RIOK3: variants seen among roughly 807,000 people sequenced by gnomAD.
The protein encoded by RIOK3 is serine/threonine-protein kinase RIO3.
In RIOK3, 40 loss-of-function variants were observed where a neutral mutation model predicts 63.5. That is an observed-to-expected ratio of 0.63 (90% CI 0.49 to 0.82). RIOK3 has a LOEUF of 0.82. Ranked by LOEUF, RIOK3 falls within the 40% of genes least tolerant of loss-of-function variation. RIOK3 has a pLI of 0.00. For synonymous variants in RIOK3, 193 were observed against 205.0 expected, an observed-to-expected ratio of 0.94 and a Z score of 0.50; for missense variants, 557 against 637.0, an observed-to-expected ratio of 0.87 and a Z score of 1.35.
At chr18:23,466,022 AGT>A (rs2057404423) in intron 5 of RIOK3, 109 bp from the exon 6 acceptor site, 1 of 699,534 alleles carries the variant, frequency 1.4e-6, no homozygotes, top group African/African-American at 1.8e-5. Flanking sequence ...CTGGTTTTCT[AGT>A]GTGATCATCT....
chr18:23,466,284 T>G lies in RIOK3; in HGVS notation c.687+8T>G. ...AAGGAGCATTCTACAGCAGTAAGGATTTATAGATTTTTTTTTTTCTTTTTT... is the reference window on the plus strand; with the variant it reads ...AAGGAGCATTCTACAGCAGTAAGGAGTTATAGATTTTTTTTTTTCTTTTTT... On this transcript the variant is annotated splice_region_variant and intron_variant, in intron 6 of 12. Coordinates refer to ENST00000339486, the MANE Select transcript of RIOK3 (RefSeq NM_003831.5). The G allele has an allele frequency of 6.5e-7, 1 of 1,541,302 alleles. No homozygotes were observed. The highest frequency in any genetic ancestry group is 1.3e-5 in the South Asian group (1 of 78,838).
rs1207915476 is a variant in RIOK3 at position 23,464,317 on chromosome 18, C to T, written c.433+4C>T. 1 of 1,604,888 alleles carries T rather than the reference C, an allele frequency of 6.2e-7. No homozygotes were observed. The highest frequency in any genetic ancestry group is 8.5e-7 in the Non-Finnish European group (1 of 1,173,890). On this transcript the variant is annotated splice_donor_region_variant and intron_variant, in intron 4 of 12. Coordinates refer to ENST00000339486, the MANE Select transcript of RIOK3 (RefSeq NM_003831.5). Reference sequence around the variant, plus strand: ...CGTGATGATCCCTACAGACCAGGTACCAAAGTTTTTACTTTCTGGGGGCAG... The same window carrying T: ...CGTGATGATCCCTACAGACCAGGTATCAAAGTTTTTACTTTCTGGGGGCAG...
chr18:23,477,310 C>A, intron 11 of RIOK3, 42 bp downstream of exon 11: 1 of 1,441,546 alleles, frequency 6.9e-7, no homozygotes, highest in Non-Finnish European at 9.8e-7. Flanking sequence ...TTGGATGTAA[C>A]AGCTGCAGGT....
chr18:23,463,105 T>G (rs900146192), intron 2 of RIOK3, 26 bp downstream of exon 2: 7 of 1,415,890 alleles, frequency 4.9e-6, no homozygotes, highest in Non-Finnish European at 5.9e-6. Flanking sequence ...AAATACTTTA[T>G]CTAGCAACTT....
chr18:23,481,202 C>G lies in RIOK3; in HGVS notation c.1483C>G (p.His495Asp). ...AGCTTTGGAGAAAATGAATGAAGATCACGTTCAGAAGAATGGAAGGAAAGC... is the reference window on the plus strand; with the variant it reads ...AGCTTTGGAGAAAATGAATGAAGATGACGTTCAGAAGAATGGAAGGAAAGC... Reference protein sequence around the residue: ...IEALEKMNEDHVQKNGRKAAS... With the variant: ...IEALEKMNEDDVQKNGRKAAS... Residue 495 changes from histidine to aspartate, a missense_variant, in exon 13 of 13, where the codon CAC becomes GAC. By Grantham distance (81) the His-to-Asp change is moderately conservative. Around this residue, in one of 3 missense-constraint regions of RIOK3, gnomAD observed 309 missense variants for 338.7 expected, o/e 0.91. Transcript: ENST00000339486. 6.2e-7 allele frequency: 1 copy of G among 1,612,092 alleles called. No homozygotes were observed. The highest frequency in any genetic ancestry group is 8.5e-7 in the Non-Finnish European group (1 of 1,178,706).
At chr18:23,468,211 C>G (rs2057423083) in intron 7 of RIOK3, among the ~76,000 whole-genome samples, 1 of 149,360 alleles carries the variant, frequency 6.7e-6, no homozygotes, top group South Asian at 2.1e-4. Flanking sequence ...TTTCCAAGTG[C>G]TTTATTGGCC....
At position 23,480,565 on chromosome 18, in the gene RIOK3, A is replaced by ACACACACG. The variant is rs1567901875; in HGVS notation, c.1453-600_1453-599insGCACACAC. 7.4e-4 allele frequency among the ~76,000 whole-genome samples: 101 copies of ACACACACG among 136,124 alleles called. No individual in the cohort carries two copies. In the East Asian group the frequency reaches 0.019, roughly 25 times the overall value. 89.3% of individuals were successfully genotyped at this position (136,124 alleles called of 152,430 possible). A position where few individuals can be genotyped will look rare whatever the true frequency, so the allele number is the denominator to read the frequency against. On this transcript the variant is annotated intron_variant, in intron 12 of 12. Coordinates refer to ENST00000339486, the MANE Select transcript of RIOK3 (RefSeq NM_003831.5). Reference sequence around the variant, plus strand: ...TATACTTGGATGCACGCACACACACACACACACACACACACACACACACAC... The same window carrying ACACACACG: ...TATACTTGGATGCACGCACACACACACACACACGCACACACACACACACACACACACAC...
intron 1 of RIOK3, among the ~76,000 whole-genome samples, chr18:23,459,716 G>C (rs1386344185): frequency 6.6e-6 from 1 of 152,178 alleles, no homozygotes; most frequent in Non-Finnish European, 1.5e-5. Flanking sequence ...TGTCACCCGG[G>C]CTGGAGTGAA....
chr18:23,470,292 GGAGCGGAGCTTGCAGT>G (rs56065247), intron 7 of RIOK3, among the ~76,000 whole-genome samples: 27,607 of 151,352 alleles, frequency 0.18, 3,600 homozygotes, highest in East Asian at 0.34. Flanking sequence ...CGTGAACCTG[GGAGCGGAGCTTGCAGT>G]GAGCTGAGAT....
intron 5 of RIOK3, among the ~76,000 whole-genome samples, chr18:23,465,002 C>G (rs1006909053): frequency 2.0e-5 from 3 of 152,180 alleles, no homozygotes; most frequent in South Asian, 2.1e-4. Context: ...ACCATATACT[C>G]TTTTGTGCAT....
intron 1 of RIOK3, among the ~76,000 whole-genome samples, chr18:23,458,277 A>C (rs1459168198): frequency 6.6e-6 from 1 of 152,052 alleles, no homozygotes; most frequent in African/African-American, 2.4e-5. Flanking sequence ...TGATACAAGC[A>C]GCGAAGGTCA....
chr18:23,463,048 G>A lies in RIOK3; in HGVS notation c.148G>A (p.Glu50Lys), dbSNP rs773807572. 6.2e-7 allele frequency: 1 copy of A among 1,609,586 alleles called. No homozygotes were observed. The highest frequency in any genetic ancestry group is 8.5e-7 in the Non-Finnish European group (1 of 1,178,278). The stretch of plus-strand genomic sequence containing the variant: ...ACAGCTGGCCAAAGAATTGCAGTTA[G>A]AAGAAGAAGCTGCCGTTTTTCCTGA... ...SEQLAKELQLEEEAAVFPEVA... is the reference protein window; with the variant it reads ...SEQLAKELQLKEEAAVFPEVA... The change falls in exon 2 of 13, where the codon GAA becomes AAA. Residue 50 changes from glutamate to lysine, a missense_variant. Glu to Lys is a moderately conservative substitution (Grantham distance 56). This residue lies in a region of RIOK3 where 243 missense variants were observed against 275.4 expected (regional missense o/e 0.88). Coordinates refer to ENST00000339486, the MANE Select transcript of RIOK3 (RefSeq NM_003831.5).
chr18:23,479,777 A>T (rs1441617333), intron 12 of RIOK3, among the ~76,000 whole-genome samples: 1 of 152,012 alleles, frequency 6.6e-6, no homozygotes, highest in East Asian at 1.9e-4. Context: ...GGGTTTCGCC[A>T]TGTTGGCCAG....
In RIOK3 at chr18:23,465,056, G is replaced by A. The variant is rs187863815; in HGVS notation, c.543+428G>A. Among the ~76,000 whole-genome samples, 4 of 152,202 alleles carry A rather than the reference G, an allele frequency of 2.6e-5. 1 individual carries two copies. Among genetic ancestry groups the A allele is most frequent in the Admixed American group, 2.6e-4 (4 of 15,284 alleles). ...TGCCTGAACTACCTGTGTAAAATCA[G>A]AAGTAAAGTGTAACTTTAAAAAATA... On this transcript the variant is annotated intron_variant, in intron 5 of 12. Transcript: ENST00000339486.
Position 23,482,650 on chromosome 18 carries a change from C to T in RIOK3, c.*1371C>T, listed in dbSNP as rs2057543250. The T allele has an allele frequency of 6.6e-6, 1 of 152,086 alleles. No individual in the cohort carries two copies. The highest frequency in any genetic ancestry group is 1.5e-5 in the Non-Finnish European group (1 of 68,024). The allele number at this position is 152,086 out of a possible 1,614,324, so 9.4% of individuals were successfully genotyped here. ...TCACTGTGCTAGAAAAGTATATTGG[C>T]TTTGTTAGGATTAAAGTTCATTAAC... On this transcript the variant is annotated 3_prime_UTR_variant, in exon 13 of 13. Transcript: ENST00000339486.
intron 1 of RIOK3, 42 bp downstream of exon 1, chr18:23,453,544 G>C: frequency 6.7e-7 from 1 of 1,489,504 alleles, no homozygotes; most frequent in Non-Finnish European, 9.4e-7. Flanking sequence ...TTGGTCACAC[G>C]GGCTGGATCT....
In RIOK3 at chr18:23,475,064, T is replaced by C. The variant is rs1215174213; in HGVS notation, c.1130T>C (p.Leu377Pro). Residue 377 changes from leucine (L) to proline (P), a missense_variant, in exon 9 of 13, where the codon CTC becomes CCC. This residue lies in a region of RIOK3 where 309 missense variants were observed against 338.7 expected (regional missense o/e 0.91). Transcript: ENST00000339486. ...VPAPKLKEVK[L>P]NSEEMKEAYY... The stretch of plus-strand genomic sequence containing the variant: ...GCCCCTAAATTAAAAGAAGTAAAGC[T>C]CAATAGTGAAGAAATGAAAGAAGCC... 3.1e-6 allele frequency: 5 copies of C among 1,613,442 alleles called. No homozygotes were observed. The highest frequency in any genetic ancestry group is 1.7e-5 in the Admixed American group (1 of 59,970).
intron 1 of RIOK3, among the ~76,000 whole-genome samples, chr18:23,462,222 C>G (rs1372736477): frequency 6.9e-6 from 1 of 144,856 alleles, no homozygotes; most frequent in Non-Finnish European, 1.5e-5. Context: ...TCACTGCAAC[C>G]CTAACCTCCC....
chr18:23,473,311 C>T, intron 7 of RIOK3, 118 bp from the exon 8 acceptor site: 1 of 598,144 alleles, frequency 1.7e-6, no homozygotes, highest in Non-Finnish European at 2.8e-6. Flanking sequence ...CTTAAAAAAA[C>T]AAGACTTGAC....
Sources: gnomAD v4.1 joint callset for allele counts (sites outside exome capture counted in the v4.1 genomes callset) on GRCh38, gnomAD v4.1.1 for gene constraint, gnomAD v4.1.1 regional missense constraint, MANE v1.5 for transcripts, NCBI Gene and HGNC (gene_info 2026-07-23, HGNC 2026-07-21) for gene names.